TOMM34: variants seen among roughly 807,000 people sequenced by gnomAD.
The protein encoded by TOMM34 is mitochondrial import receptor subunit TOM34.
TOMM34 carries 24 observed loss-of-function variants against 37.4 expected under a neutral mutation model. That is an observed-to-expected ratio of 0.64 (90% CI 0.46 to 0.90). The LOEUF is 0.90. Ranked by LOEUF, TOMM34 falls within the 40% of genes least tolerant of loss-of-function variation. The probability of loss-of-function intolerance (pLI) is 0.00; values close to 1 mark genes in which losing one functional copy is unlikely to be tolerated. For synonymous variants in TOMM34, 154 were observed against 148.9 expected (o/e 1.03, Z -0.25); for missense variants, 304 against 375.6 (o/e 0.81, Z 1.58).
rs2067114380 is a variant in TOMM34, at chr20:44,960,248, G to C, written c.86C>G (p.Ser29Cys). The C allele has an allele frequency of 6.4e-7, 1 of 1,568,868 alleles. No homozygotes were observed. Among genetic ancestry groups the C allele is most frequent in the Non-Finnish European group, 8.6e-7 (1 of 1,157,710 alleles). ...SFRNGQYAEA[S>C]ALYGRALRVL... ...CCGCAGCGCGCGGCCGTAGAGCGCG[G>C]AGGCCTCGGCGTACTGGCCGTTGCG... Residue 29 changes from serine to cysteine, a missense_variant, in exon 1 of 7, where the codon TCC becomes TGC. Ser to Cys is a moderately radical substitution (Grantham distance 112, BLOSUM62 -1). Coordinates refer to ENST00000372813, the MANE Select transcript of TOMM34 (RefSeq NM_006809.5).
chr20:44,951,111 G>A (rs1461532520), intron 4 of TOMM34, among the ~76,000 whole-genome samples: 1 of 152,148 alleles, frequency 6.6e-6, no homozygotes, highest in Admixed American at 6.5e-5. Context: ...GTTATGGTGT[G>A]TACTTCAGGG....
chr20:44,956,621 G>T, intron 1 of TOMM34, 136 bp from the exon 2 acceptor site: 1 of 741,664 alleles, frequency 1.3e-6, no homozygotes, highest in Non-Finnish European at 2.2e-6. Context: ...CAGGCTTGTT[G>T]GTCTGCTGGG....
At chr20:44,948,634 C>T (rs927814440) in intron 5 of TOMM34, 96 bp downstream of exon 5, 7 of 1,468,548 alleles carry the variant, frequency 4.8e-6, no homozygotes, top group Non-Finnish European at 5.6e-6. Flanking sequence ...ACATACTTGA[C>T]TAAATGCTAG....
intron 4 of TOMM34, among the ~76,000 whole-genome samples, chr20:44,949,104 A>G (rs1057339353): frequency 6.6e-6 from 1 of 152,188 alleles, no homozygotes; most frequent in Non-Finnish European, 1.5e-5. Context: ...ATATAAAAAC[A>G]TTTTTGCATG....
At position 44,956,436 on chromosome 20, in the gene TOMM34, T is replaced by A. The variant is rs376968194; in HGVS notation, c.177A>T (p.Ala59=). Reference sequence around the variant, plus strand: ...TGCAGTTTCCATCCTTCAAGTGACATGCTGCTCGGTTGGAGTAGAGAACAC... The same window carrying A: ...TGCAGTTTCCATCCTTCAAGTGACAAGCTGCTCGGTTGGAGTAGAGAACAC... ...EESVLYSNRA[A]CHLKDGNCRD... The change falls in exon 2 of 7, where the codon GCA becomes GCT. Residue 59 remains alanine (A), a synonymous_variant. Transcript: ENST00000372813. 19 of 1,614,120 alleles carry A rather than the reference T, an allele frequency of 1.2e-5. No homozygotes were observed. In the Admixed American group the frequency reaches 1.8e-4, roughly 16 times the overall value.
chr20:44,956,703 T>G (rs1008046048), intron 1 of TOMM34, among the ~76,000 whole-genome samples: 2 of 152,152 alleles, frequency 1.3e-5, no homozygotes, highest in Non-Finnish European at 2.9e-5. Flanking sequence ...ACCAAGTATT[T>G]CCTCATTCAC....
At position 44,954,574 on chromosome 20, in the gene TOMM34, A is replaced by G. The variant is rs192193955; in HGVS notation, c.380+494T>C. 4.2e-3 allele frequency among the ~76,000 whole-genome samples: 645 copies of G among 152,366 alleles called. 1 individual carries two copies. Among genetic ancestry groups the G allele is most frequent in the Non-Finnish European group, 6.3e-3 (430 of 68,040 alleles). On this transcript the variant is annotated intron_variant, in intron 3 of 6. Transcript: ENST00000372813. ...GACAATATCCATGAGATAAAAGCCA[A>G]TAACTGCTCAGAGACCAGAAAGGAA...
In TOMM34 at chr20:44,951,873, A is replaced by C; in HGVS notation, c.510T>G (p.Ala170=). Residue 170 remains alanine, a synonymous_variant, in exon 4 of 7, where the codon GCT becomes GCG. Coordinates refer to ENST00000372813, the MANE Select transcript of TOMM34 (RefSeq NM_006809.5). ...CTGTGGTTTCTTTGGATTTGCTTTT[A>C]GCCATCTCTTTGTGGTTCTCCGAAG... ...SLPSENHKEM[A]KSKSKETTAT... The C allele has an allele frequency of 6.2e-7, 1 of 1,614,052 alleles. No homozygotes were observed. The highest frequency in any genetic ancestry group is 8.5e-7 in the Non-Finnish European group (1 of 1,179,958).
chr20:44,955,753 G>A, intron 2 of TOMM34: 2 of 410,828 alleles, frequency 4.9e-6, no homozygotes, highest in South Asian at 3.5e-5. Flanking sequence ...AATTAATTCA[G>A]CACAGGCTCT....
Position 44,960,383 on chromosome 20 carries a change from G to A in TOMM34, c.-50C>T. On this transcript the variant is annotated 5_prime_UTR_variant, in exon 1 of 7. Coordinates refer to ENST00000372813, the MANE Select transcript of TOMM34 (RefSeq NM_006809.5). ...GAGCTCCTTCCTTCCTCCCCCGTGT[G>A]GTGCGGCACACCTTCCGGGCGCAAG... 1 of 1,474,082 alleles carries A rather than the reference G, an allele frequency of 6.8e-7. No individual in the cohort carries two copies. The highest frequency in any genetic ancestry group is 9.0e-7 in the Non-Finnish European group (1 of 1,108,286). 91.3% of individuals were successfully genotyped at this position (1,474,082 alleles called of 1,614,324 possible).
At chr20:44,944,002 C>A (rs895663354) in intron 5 of TOMM34, among the ~76,000 whole-genome samples, 1 of 152,142 alleles carries the variant, frequency 6.6e-6, no homozygotes, top group African/African-American at 2.4e-5. Flanking sequence ...CTACTGAACT[C>A]TAATGATATA....
intron 5 of TOMM34, among the ~76,000 whole-genome samples, chr20:44,945,083 A>C (rs1224479211): frequency 6.6e-6 from 1 of 152,240 alleles, no homozygotes; most frequent in Admixed American, 6.5e-5. Context: ...TTAAAATAAG[A>C]AGCAAGGTAG....
At chr20:44,951,164 A>G (rs992264436) in intron 4 of TOMM34, among the ~76,000 whole-genome samples, 4 of 152,150 alleles carry the variant, frequency 2.6e-5, no homozygotes, top group African/African-American at 9.7e-5. Context: ...TGAGAAAATG[A>G]TTGAGAAAAT....
intron 5 of TOMM34, among the ~76,000 whole-genome samples, chr20:44,948,043 A>G (rs2066995624): frequency 6.6e-6 from 1 of 152,242 alleles, no homozygotes. Flanking sequence ...TTCTTGTGCC[A>G]ACATTTACTG....
In TOMM34 at chr20:44,957,669, G is replaced by A. The variant is rs142638278; in HGVS notation, c.128-1184C>T. 6.4e-3 allele frequency among the ~76,000 whole-genome samples: 975 copies of A among 152,018 alleles called. 6 individuals carry two copies. Among genetic ancestry groups the A allele is most frequent in the African/African-American group, 0.019 (800 of 41,442 alleles). On this transcript the variant is annotated intron_variant, in intron 1 of 6. Transcript: ENST00000372813. ...AACTTTTTTAATTTTTAGAGACAGC[G>A]TCTCCCTCTGTTGCCCAGGCTGAAG...
intron 5 of TOMM34, among the ~76,000 whole-genome samples, chr20:44,945,775 A>G (rs529476801): frequency 2.0e-4 from 30 of 152,354 alleles, no homozygotes; most frequent in African/African-American, 6.7e-4. Flanking sequence ...TCCTGACTCC[A>G]CAAATTACAA....
chr20:44,948,899 G>C, intron 4 of TOMM34, 22 bp from the exon 5 acceptor site: 1 of 1,611,324 alleles, frequency 6.2e-7, no homozygotes, highest in South Asian at 1.1e-5. Flanking sequence ...TTCAGAAGAG[G>C]AAAAAAACCA....
At position 44,958,144 on chromosome 20, in the gene TOMM34, A is replaced by ATGTATATGTATATATGTG. The variant is rs60792281; in HGVS notation, c.128-1660_128-1659insCACATATATACATATACA. Among the ~76,000 whole-genome samples the ATGTATATGTATATATGTG allele has an allele frequency of 1.2e-4, 17 of 146,980 alleles. No individual in the cohort carries two copies. In the East Asian group the frequency reaches 1.8e-3, roughly 16 times the overall value. ...TGTATATATATGTATATGTATATAT[A>ATGTATATGTATATATGTG]TGTGTGTGTGTGTGTGTGTGTTAAC... On this transcript the variant is annotated intron_variant, in intron 1 of 6. Transcript: ENST00000372813.
chr20:44,958,313 C>G, intron 1 of TOMM34: 1 of 469,802 alleles, frequency 2.1e-6, no homozygotes, highest in South Asian at 1.6e-5. Context: ...CAATAACAAG[C>G]GTTTTCCCCT....
Sources: gnomAD v4.1 joint callset for allele counts (sites outside exome capture counted in the v4.1 genomes callset) on GRCh38, gnomAD v4.1.1 for gene constraint, MANE v1.5 for transcripts, NCBI Gene and HGNC (gene_info 2026-07-23, HGNC 2026-07-21) for gene names.